Variants in SLC35F1 observed in about 807,000 individuals in gnomAD.
SLC35F1 encodes chromosome 6 open reading frame 169.
In SLC35F1, 14 loss-of-function variants were observed where a neutral mutation model predicts 48.7. The ratio of observed to expected loss-of-function variants is 0.29; its 90% CI spans 0.19 to 0.45. The LOEUF is 0.45. SLC35F1 is among the 20% of genes least tolerant of loss of function. The pLI is 1.00. For synonymous variants in SLC35F1, 190 were observed against 202.2 expected (o/e 0.94, Z 0.51); for missense variants, 404 against 500.0 (o/e 0.81, Z 1.83).
intron 1 of SLC35F1, among the ~76,000 whole-genome samples, chr6:118,000,915 G>T (rs1450938702): frequency 6.6e-6 from 1 of 152,032 alleles, no homozygotes; most frequent in Non-Finnish European, 1.5e-5. Context: ...CCTCTTCAAG[G>T]AGAACTACAA....
intron 7 of SLC35F1, among the ~76,000 whole-genome samples, chr6:118,288,693 T>C (rs1776080999): frequency 6.6e-6 from 1 of 151,978 alleles, no homozygotes; most frequent in South Asian, 2.1e-4. Flanking sequence ...GGAAGGAGGG[T>C]ACAGTGAGGC....
At chr6:118,017,860 T>C (rs748354687) in intron 1 of SLC35F1, among the ~76,000 whole-genome samples, 2 of 152,222 alleles carry the variant, frequency 1.3e-5, no homozygotes, top group African/African-American at 2.4e-5. Context: ...ATGGACCTTA[T>C]CGTTACTTTA....
intron 3 of SLC35F1, among the ~76,000 whole-genome samples, chr6:118,246,851 G>A (rs1775513694): frequency 6.6e-6 from 1 of 152,130 alleles, no homozygotes; most frequent in Non-Finnish European, 1.5e-5. Flanking sequence ...TCCTAATGTA[G>A]TCTCTAACTC....
intron 1 of SLC35F1, among the ~76,000 whole-genome samples, chr6:117,928,500 G>GA (rs1389278375): frequency 2.6e-5 from 4 of 151,638 alleles, no homozygotes; most frequent in Non-Finnish European, 2.9e-5. Flanking sequence ...TTAATGCCTT[G>GA]AAAAAAAATG....
At chr6:118,313,974 G>A in intron 7 of SLC35F1, 54 bp from the exon 8 acceptor site, 1 of 1,522,064 alleles carries the variant, frequency 6.6e-7, no homozygotes, top group African/African-American at 1.4e-5. Flanking sequence ...CCTCATTAAT[G>A]TGTCAGTGGT....
At chr6:118,096,958 A>T (rs1023537281) in intron 1 of SLC35F1, among the ~76,000 whole-genome samples, 5 of 152,106 alleles carry the variant, frequency 3.3e-5, no homozygotes, top group Non-Finnish European at 7.3e-5. Flanking sequence ...TATTTGCAGG[A>T]TCTATTCCCT....
At chr6:118,020,602 T>C (rs1413244703) in intron 1 of SLC35F1, among the ~76,000 whole-genome samples, 4 of 152,176 alleles carry the variant, frequency 2.6e-5, no homozygotes, top group Non-Finnish European at 5.9e-5. Flanking sequence ...GATGAGAGAC[T>C]TGGAAGAATT....
intron 1 of SLC35F1, among the ~76,000 whole-genome samples, chr6:117,992,594 T>C (rs1320289719): frequency 6.6e-6 from 1 of 152,224 alleles, no homozygotes; most frequent in Non-Finnish European, 1.5e-5. Flanking sequence ...GTACATAATA[T>C]GCCTTTCTGA....
At chr6:118,097,733 C>T (rs990723011) in intron 1 of SLC35F1, among the ~76,000 whole-genome samples, 5 of 152,228 alleles carry the variant, frequency 3.3e-5, no homozygotes, top group African/African-American at 9.6e-5. Flanking sequence ...CCACAGTGGT[C>T]ATTCTTTGTC....
At chr6:118,047,859 T>C (rs12213057) in intron 1 of SLC35F1, among the ~76,000 whole-genome samples, 37,242 of 151,698 alleles carry the variant, frequency 0.25, 4,685 homozygotes, top group East Asian at 0.35. Context: ...TTTTCCTAAT[T>C]GAATACCCTT....
intron 1 of SLC35F1, among the ~76,000 whole-genome samples, chr6:117,977,245 G>A (rs188451340): frequency 6.7e-6 from 1 of 148,774 alleles, no homozygotes; most frequent in East Asian, 2.0e-4. Context: ...CACCCAGGCT[G>A]GAGTGCAATG....
chr6:118,202,620 G>A (rs544069836), intron 2 of SLC35F1, among the ~76,000 whole-genome samples: 3 of 152,346 alleles, frequency 2.0e-5, no homozygotes, highest in South Asian at 4.1e-4. Flanking sequence ...TGCTAACAAT[G>A]TGCCACACAT....
At chr6:117,967,540 C>T (rs554103452) in intron 1 of SLC35F1, among the ~76,000 whole-genome samples, 4 of 152,128 alleles carry the variant, frequency 2.6e-5, no homozygotes, top group Non-Finnish European at 5.9e-5. Context: ...TTCAAGATAA[C>T]GTTTGTTCAA....
chr6:118,166,688 A>G (rs569653530), intron 2 of SLC35F1, among the ~76,000 whole-genome samples: 82 of 152,316 alleles, frequency 5.4e-4, no homozygotes, highest in African/African-American at 1.9e-3. Flanking sequence ...TGCACTGTTA[A>G]AAATTGTAAG....
intron 1 of SLC35F1, among the ~76,000 whole-genome samples, chr6:117,990,179 A>G (rs901660586): frequency 6.6e-6 from 1 of 152,210 alleles, no homozygotes; most frequent in South Asian, 2.1e-4. Context: ...TCAGGTGAAG[A>G]TCCTTCATTC....
intron 1 of SLC35F1, among the ~76,000 whole-genome samples, chr6:118,067,086 A>G (rs1371063136): frequency 6.6e-6 from 1 of 152,222 alleles, no homozygotes; most frequent in Non-Finnish European, 1.5e-5. Flanking sequence ...GTTCAAACAT[A>G]TTTTAAAAAT....
intron 1 of SLC35F1, among the ~76,000 whole-genome samples, chr6:118,022,056 C>G (rs4945608): frequency 0.64 from 96,967 of 152,022 alleles, 33,584 homozygotes; most frequent in South Asian, 0.81. Context: ...GGAAAAGAAA[C>G]AGAGTCTACT....
At chr6:118,225,682 G>T (rs1390957071) in intron 2 of SLC35F1, among the ~76,000 whole-genome samples, 1 of 150,556 alleles carries the variant, frequency 6.6e-6, no homozygotes, top group East Asian at 2.0e-4. Flanking sequence ...CAGCATCCTG[G>T]CTAACACGGT....
At chr6:118,246,583 C>T (rs142761162) in intron 3 of SLC35F1, among the ~76,000 whole-genome samples, 21 of 152,158 alleles carry the variant, frequency 1.4e-4, no homozygotes, top group African/African-American at 4.1e-4. Context: ...ATGAATCTGA[C>T]GATAAAGCAG....
Sources: allele counts gnomAD v4.1 joint callset (sites outside exome capture counted in the v4.1 genomes callset), GRCh38; gene constraint gnomAD v4.1.1; transcripts MANE v1.5; gene names NCBI Gene and HGNC (gene_info 2026-07-23, HGNC 2026-07-21).